The following APP variants were observed in gnomAD, a reference collection of about 807,000 sequenced individuals.
APP encodes the protein amyloid beta precursor protein, also known as amyloid-beta precursor protein.
APP carries 31 observed loss-of-function variants against 101.4 expected under a neutral mutation model. That is an observed-to-expected ratio of 0.31 (90% CI 0.23 to 0.41). The LOEUF (loss-of-function observed/expected upper bound fraction) is 0.41. Among genes scored for constraint, APP ranks in the 10% least tolerant of loss-of-function variants. The pLI, the probability that APP is intolerant of heterozygous loss-of-function variation, is 1.00. For synonymous variants in APP, 366 were observed against 364.4 expected, an observed-to-expected ratio of 1.00 and a Z score of -0.05; for missense variants, 839 against 1,003.7, an observed-to-expected ratio of 0.84 and a Z score of 2.22.
chr21:26,094,720 T>A (rs2146131124), intron 2 of APP, among the ~76,000 whole-genome samples: 1 of 151,546 alleles, frequency 6.6e-6, no homozygotes. Context: ...TAGATTAAGT[T>A]CCTGATTTTT....
chr21:26,117,673 CTG>C (rs145469984), intron 1 of APP, among the ~76,000 whole-genome samples: 3 of 151,470 alleles, frequency 2.0e-5, no homozygotes, highest in Non-Finnish European at 4.4e-5. Context: ...GGCTTTGCCC[CTG>C]TGTGTGTGTG....
At chr21:25,898,205 T>C (rs1480418517) in intron 15 of APP, among the ~76,000 whole-genome samples, 1 of 152,204 alleles carries the variant, frequency 6.6e-6, no homozygotes, top group Non-Finnish European at 1.5e-5. Flanking sequence ...ATTATATAAT[T>C]TTAGTCAAGT....
At chr21:25,908,497 CAT>C (rs2146307842) in intron 14 of APP, among the ~76,000 whole-genome samples, 1 of 152,148 alleles carries the variant, frequency 6.6e-6, no homozygotes, top group South Asian at 2.1e-4. Flanking sequence ...TGTGTGTGCA[CAT>C]GTCTGTACAA....
At chr21:25,929,389 G>GTT (rs199919338) in intron 13 of APP, among the ~76,000 whole-genome samples, 1 of 150,818 alleles carries the variant, frequency 6.6e-6, no homozygotes, top group Non-Finnish European at 1.5e-5. Context: ...AAGAGTAGTG[G>GTT]TTTTTTTTTA....
At chr21:26,106,013 G>A (rs1289895255) in intron 2 of APP, among the ~76,000 whole-genome samples, 1 of 152,224 alleles carries the variant, frequency 6.6e-6, no homozygotes, top group Non-Finnish European at 1.5e-5. Context: ...CAGATACGGT[G>A]GTGGCTCCAA....
At chr21:25,928,286 G>C (rs1342399814) in intron 13 of APP, among the ~76,000 whole-genome samples, 1 of 152,090 alleles carries the variant, frequency 6.6e-6, no homozygotes, top group South Asian at 2.1e-4. Flanking sequence ...AGCTTGCAGC[G>C]AGCCAAGATT....
At chr21:25,931,861 C>A (rs754205119) in intron 13 of APP, among the ~76,000 whole-genome samples, 1 of 152,172 alleles carries the variant, frequency 6.6e-6, no homozygotes, top group Non-Finnish European at 1.5e-5. Flanking sequence ...AGAGAGCTCA[C>A]TTCTATGCTG....
At chr21:26,137,195 TGG>T (rs1004634530) in intron 1 of APP, among the ~76,000 whole-genome samples, 1 of 152,218 alleles carries the variant, frequency 6.6e-6, no homozygotes, top group Non-Finnish European at 1.5e-5. Flanking sequence ...CCCAAAGTGC[TGG>T]GGTTACAGGC....
intron 11 of APP, among the ~76,000 whole-genome samples, chr21:25,961,302 A>C (rs1389260464): frequency 6.6e-6 from 1 of 152,206 alleles, no homozygotes; most frequent in Non-Finnish European, 1.5e-5. Context: ...CTAAAAATGC[A>C]TAACACTAAG....
At chr21:25,996,491 G>A (rs2146662113) in intron 8 of APP, among the ~76,000 whole-genome samples, 1 of 152,298 alleles carries the variant, frequency 6.6e-6, no homozygotes, top group Admixed American at 6.5e-5. Flanking sequence ...GCATCTTGAT[G>A]TAACCGAGTA....
At chr21:26,089,069 T>G (rs866182533) in intron 3 of APP, among the ~76,000 whole-genome samples, 1 of 152,202 alleles carries the variant, frequency 6.6e-6, no homozygotes, top group African/African-American at 2.4e-5. Flanking sequence ...CCTTTTAACC[T>G]TTATAAGAAG....
chr21:26,131,301 T>C (rs1205810495), intron 1 of APP, among the ~76,000 whole-genome samples: 2 of 152,090 alleles, frequency 1.3e-5, no homozygotes, highest in African/African-American at 2.4e-5. Context: ...AATGAAGTAG[T>C]GAAAAGGCCC....
chr21:26,082,160 A>G (rs1400667163), intron 3 of APP, among the ~76,000 whole-genome samples: 1 of 152,204 alleles, frequency 6.6e-6, no homozygotes, highest in Non-Finnish European at 1.5e-5. Context: ...TGGAGGTTGC[A>G]GTGAGCCGAG....
intron 13 of APP, among the ~76,000 whole-genome samples, chr21:25,954,280 A>C (rs2041215506): frequency 6.6e-6 from 1 of 152,232 alleles, no homozygotes; most frequent in Non-Finnish European, 1.5e-5. Flanking sequence ...AAGCATCATA[A>C]TTTGAGAGCC....
At chr21:25,906,677 C>G (rs1257756594) in intron 14 of APP, among the ~76,000 whole-genome samples, 1 of 151,910 alleles carries the variant, frequency 6.6e-6, no homozygotes, top group Non-Finnish European at 1.5e-5. Flanking sequence ...ATTTTTTTTC[C>G]TATTTGCAGC....
chr21:25,895,780 T>A (rs928176704), intron 16 of APP, among the ~76,000 whole-genome samples: 2 of 152,238 alleles, frequency 1.3e-5, no homozygotes, highest in Admixed American at 1.3e-4. Flanking sequence ...AACATTTTTA[T>A]GAAAAGCAAA....
chr21:26,170,776 C>G (rs45476095), upstream of APP: 5,534 of 784,406 alleles, frequency 7.1e-3, 115 homozygotes, highest in East Asian at 0.071. Context: ...CTGACGGAGC[C>G]CGAGCGCGGC....
intron 1 of APP, among the ~76,000 whole-genome samples, chr21:26,154,569 A>G (rs2063337841): frequency 6.6e-6 from 1 of 152,196 alleles, no homozygotes; most frequent in African/African-American, 2.4e-5. Context: ...AGTGGGCCAG[A>G]TTGTCTTAAA....
chr21:25,982,431 G>A lies in APP; in HGVS notation c.1137C>T (p.Leu379=), dbSNP rs199526286. ...GTTCATTCTCATCCCCAGGTGTCTC[G>A]AGATACTTGTCAACGGCATCAGGGG... ...ASTPDAVDKY[L]ETPGDENEHA... The change falls in exon 9 of 18, where the codon CTC becomes CTT. Residue 379 remains leucine, a synonymous_variant. Transcript: ENST00000346798. 25 of 1,613,520 alleles carry A rather than the reference G, an allele frequency of 1.5e-5. No individual in the cohort carries two copies. The highest frequency in any genetic ancestry group is 3.3e-5 in the Admixed American group (2 of 59,976).
Sources: allele counts gnomAD v4.1 joint callset (sites outside exome capture counted in the v4.1 genomes callset), GRCh38; gene constraint gnomAD v4.1.1; transcripts MANE v1.5; gene names NCBI Gene and HGNC (gene_info 2026-07-23, HGNC 2026-07-21).